Variants in NRG1 observed in about 807,000 individuals in gnomAD.
NRG1 encodes the protein neuregulin 1.
NRG1 carries 18 observed loss-of-function variants against 63.8 expected under a neutral mutation model. The observed-to-expected ratio is 0.28, with a 90% CI of 0.19 to 0.42. NRG1 has a LOEUF of 0.42. NRG1 is among the 10% of genes least tolerant of loss of function. The pLI, the probability that NRG1 is intolerant of heterozygous loss-of-function variation, is 1.00. For missense variants in NRG1, 762 were observed against 814.7 expected (o/e 0.94, Z 0.79); for synonymous variants, 302 against 301.3 (o/e 1.00, Z -0.02).
At chr8:32,004,933 A>G (rs547300639) in intron 1 of NRG1, among the ~76,000 whole-genome samples, 7 of 151,880 alleles carry the variant, frequency 4.6e-5, no homozygotes, top group Non-Finnish European at 1.0e-4. Flanking sequence ...CATTTAATAC[A>G]GTGGGAATAA....
At chr8:32,091,809 C>G (rs1432054293) in intron 1 of NRG1, among the ~76,000 whole-genome samples, 1 of 152,082 alleles carries the variant, frequency 6.6e-6, no homozygotes, top group Non-Finnish European at 1.5e-5. Flanking sequence ...CCAACCAGGG[C>G]TGGTGCAGAG....
intron 1 of NRG1, among the ~76,000 whole-genome samples, chr8:31,948,800 C>A (rs73246722): frequency 2.6e-5 from 4 of 152,060 alleles, no homozygotes; most frequent in African/African-American, 4.8e-5. Context: ...CCACGAGAAG[C>A]CTTTCCCCTG....
At chr8:32,234,905 A>G (rs976685717) in intron 1 of NRG1, among the ~76,000 whole-genome samples, 40 of 152,080 alleles carry the variant, frequency 2.6e-4, no homozygotes, top group African/African-American at 9.4e-4. Flanking sequence ...TCTCATACAT[A>G]AGAGGTTTTT....
intron 1 of NRG1, among the ~76,000 whole-genome samples, chr8:32,536,717 T>C (rs1308432979): frequency 6.6e-6 from 1 of 151,336 alleles, no homozygotes; most frequent in Non-Finnish European, 1.5e-5. Context: ...GATCAGAAGA[T>C]CGAGACCATC....
intron 1 of NRG1, among the ~76,000 whole-genome samples, chr8:31,778,188 G>A (rs1274223115): frequency 4.6e-5 from 7 of 152,110 alleles, no homozygotes; most frequent in South Asian, 2.1e-4. Context: ...GCTGCCCTCC[G>A]AGGCAGAGGA....
chr8:32,100,721 C>T (rs987332190), intron 1 of NRG1, among the ~76,000 whole-genome samples: 4 of 151,924 alleles, frequency 2.6e-5, no homozygotes, highest in Non-Finnish European at 2.9e-5. Context: ...TGGCCATTGA[C>T]GGGAGAACAA....
chr8:31,965,142 A>G (rs1806109331), intron 1 of NRG1, among the ~76,000 whole-genome samples: 1 of 152,222 alleles, frequency 6.6e-6, no homozygotes, highest in Non-Finnish European at 1.5e-5. Context: ...CATGGCATAT[A>G]TATATATACT....
At chr8:32,136,270 T>C (rs935181152) in intron 1 of NRG1, among the ~76,000 whole-genome samples, 4 of 152,176 alleles carry the variant, frequency 2.6e-5, no homozygotes, top group Non-Finnish European at 4.4e-5. Flanking sequence ...TCCTCTCCTA[T>C]AATACAAACC....
chr8:32,586,111 C>T (rs1640640311), intron 1 of NRG1, among the ~76,000 whole-genome samples: 1 of 134,142 alleles, frequency 7.5e-6, no homozygotes, highest in African/African-American at 2.7e-5. Context: ...ATAGTAGGTA[C>T]TCAAGTATCA....
chr8:32,050,745 G>T (rs1313440730), intron 1 of NRG1, among the ~76,000 whole-genome samples: 5 of 152,156 alleles, frequency 3.3e-5, no homozygotes, highest in Admixed American at 6.6e-5. Context: ...ACATGGCATT[G>T]TTTGAAAAGA....
At chr8:31,881,239 T>G (rs889725802) in intron 1 of NRG1, among the ~76,000 whole-genome samples, 1 of 152,170 alleles carries the variant, frequency 6.6e-6, no homozygotes, top group African/African-American at 2.4e-5. Context: ...TGTGCTCACT[T>G]TTTGTCACAT....
intron 1 of NRG1, among the ~76,000 whole-genome samples, chr8:31,725,021 GA>G (rs531537028): frequency 3.7e-4 from 56 of 152,126 alleles, no homozygotes; most frequent in Non-Finnish European, 6.8e-4. Context: ...TTTATTTATA[GA>G]TACAGAAATT....
At chr8:32,203,395 T>C (rs1015015097) in intron 1 of NRG1, among the ~76,000 whole-genome samples, 35 of 151,272 alleles carry the variant, frequency 2.3e-4, no homozygotes, top group African/African-American at 8.6e-4. Flanking sequence ...ATTTTTTTTT[T>C]CTTTTTAGAC....
intron 1 of NRG1, chr8:32,026,411 G>A (rs1214496231): frequency 1.3e-5 from 2 of 152,034 alleles, no homozygotes; most frequent in African/African-American, 4.8e-5. Flanking sequence ...GGGCTTACAT[G>A]GGTCTTTTTC....
intron 7 of NRG1, chr8:32,749,447 A>C: frequency 9.4e-7 from 1 of 1,059,450 alleles, no homozygotes. Flanking sequence ...TTCAATGTGC[A>C]TGCACAGAGA....
At chr8:32,249,869 T>G (rs16879027) in intron 1 of NRG1, among the ~76,000 whole-genome samples, 1 of 152,022 alleles carries the variant, frequency 6.6e-6, no homozygotes, top group Non-Finnish European at 1.5e-5. Flanking sequence ...ATGGAGAACA[T>G]TGATTTATGG....
chr8:31,951,078 G>A (rs977934342), intron 1 of NRG1, among the ~76,000 whole-genome samples: 3 of 152,216 alleles, frequency 2.0e-5, no homozygotes, highest in Non-Finnish European at 2.9e-5. Context: ...TGGAAGGACT[G>A]TGTGAGAATA....
At chr8:32,185,058 T>C (rs1841832850) in intron 1 of NRG1, among the ~76,000 whole-genome samples, 1 of 152,172 alleles carries the variant, frequency 6.6e-6, no homozygotes, top group Non-Finnish European at 1.5e-5. Context: ...TATTTGTCAT[T>C]TTTCCTAAGC....
intron 1 of NRG1, among the ~76,000 whole-genome samples, chr8:32,160,435 GA>G (rs762169641): frequency 5.3e-5 from 8 of 152,180 alleles, no homozygotes; most frequent in Non-Finnish European, 8.8e-5. Context: ...TTCAGATGAG[GA>G]AACTGACAGT....
Sources: allele counts gnomAD v4.1 joint callset (sites outside exome capture counted in the v4.1 genomes callset), GRCh38; gene constraint gnomAD v4.1.1; transcripts MANE v1.5; gene names NCBI Gene and HGNC (gene_info 2026-07-23, HGNC 2026-07-21).